Variants in ADCY7 observed in about 807,000 individuals in gnomAD.
ADCY7 encodes the protein adenylate cyclase type 7.
In ADCY7, 72 loss-of-function variants were observed where a neutral mutation model predicts 120.6. The observed-to-expected ratio is 0.60, with a 90% CI of 0.49 to 0.73. ADCY7 has a LOEUF of 0.73. Ranked by LOEUF, ADCY7 falls within the 30% of genes least tolerant of loss-of-function variation. The probability of loss-of-function intolerance (pLI) is 0.00; values close to 1 mark genes in which losing one functional copy is unlikely to be tolerated. For synonymous variants in ADCY7, 661 were observed against 628.0 expected (o/e 1.05, Z -0.78); for missense variants, 1,227 against 1,486.0 (o/e 0.83, Z 2.87).
At chr16:50,286,451 GAA>G (rs2034589020) in intron 1 of ADCY7, among the ~76,000 whole-genome samples, 3 of 148,286 alleles carry the variant, frequency 2.0e-5, no homozygotes, top group Admixed American at 6.7e-5. Flanking sequence ...AAAAAAGAGA[GAA>G]AGAAAATGCA....
chr16:50,294,623 C>G lies in ADCY7; in HGVS notation c.837-17C>G. On this transcript the variant is annotated splice_polypyrimidine_tract_variant and intron_variant, in intron 6 of 25. Coordinates refer to ENST00000673801, the MANE Select transcript of ADCY7 (RefSeq NM_001114.5). Reference sequence around the variant, plus strand: ...AGCCTGGCTCTGACACTCCCTCCCACCCTGCCCCATCCCCAGCATCCTCTA... The same window carrying G: ...AGCCTGGCTCTGACACTCCCTCCCAGCCTGCCCCATCCCCAGCATCCTCTA... 1 of 1,396,176 alleles carries G rather than the reference C, an allele frequency of 7.2e-7. No individual in the cohort carries two copies. Among genetic ancestry groups the G allele is most frequent in the Non-Finnish European group, 1.0e-6 (1 of 989,960 alleles). 86.5% of individuals were successfully genotyped at this position (1,396,176 alleles called of 1,614,324 possible).
chr16:50,274,087 T>C (rs2033726835), intron 1 of ADCY7: 1 of 152,318 alleles, frequency 6.6e-6, no homozygotes, highest in Non-Finnish European at 1.5e-5. Flanking sequence ...TGTTTTTAGA[T>C]TGCCGGAGCT....
At chr16:50,289,086 G>A (rs917060931) in intron 2 of ADCY7, 1 of 198,482 alleles carries the variant, frequency 5.0e-6, no homozygotes, top group African/African-American at 2.4e-5. Flanking sequence ...CTGGGTCAGG[G>A]ATGGCCTGTG....
upstream of ADCY7, among the ~76,000 whole-genome samples, chr16:50,265,067 C>T (rs369213764): frequency 6.6e-6 from 1 of 152,108 alleles, no homozygotes; most frequent in African/African-American, 2.4e-5. Context: ...AAACTCCTGA[C>T]ATCAGGTGAT....
Position 50,306,109 on chromosome 16 carries a change from G to A in ADCY7, c.1752+260G>A, listed in dbSNP as rs540539487. On this transcript the variant is annotated intron_variant, in intron 14 of 25. Coordinates refer to ENST00000673801, the MANE Select transcript of ADCY7 (RefSeq NM_001114.5). ...CATGGGTCTGCAAGACTTTTGCTCCGTCCAGTGCCAAAGCCTTAGCAGATC... is the reference window on the plus strand; with the variant it reads ...CATGGGTCTGCAAGACTTTTGCTCCATCCAGTGCCAAAGCCTTAGCAGATC... Among the ~76,000 whole-genome samples, 29 of 152,296 alleles carry A rather than the reference G, an allele frequency of 1.9e-4. No homozygotes were observed. The East Asian group carries it at 2.7e-3, about 14-fold the overall frequency.
chr16:50,289,960 T>C (rs954104392), intron 2 of ADCY7, among the ~76,000 whole-genome samples: 2 of 152,200 alleles, frequency 1.3e-5, no homozygotes, highest in African/African-American at 4.8e-5. Context: ...CCCACGGACC[T>C]CCCGGATGCT....
chr16:50,307,452 A>G (rs1296729436), intron 15 of ADCY7, among the ~76,000 whole-genome samples: 1 of 152,132 alleles, frequency 6.6e-6, no homozygotes, highest in Non-Finnish European at 1.5e-5. Context: ...TGCTAGGAGG[A>G]TAGACTCTGA....
rs2036668299 is a variant in ADCY7 at position 50,314,354 on chromosome 16, T to C, written c.2919T>C (p.Ser973=). 6.2e-7 allele frequency: 1 copy of C among 1,614,002 alleles called. No homozygotes were observed. Among genetic ancestry groups the C allele is most frequent in the Admixed American group, 1.7e-5 (1 of 60,000 alleles). ...TGGAGTTCAGCATCGCCCTGATGAG[T>C]AAGCTGGACGGCATCAACAGGCACT... The part of the protein sequence containing the change: ...VMVEFSIALM[S]KLDGINRHSF... Residue 973 remains serine, a synonymous_variant, in exon 24 of 26, where the codon AGT becomes AGC. Transcript: ENST00000673801.
At chr16:50,271,660 C>T (rs562597717) in intron 1 of ADCY7, among the ~76,000 whole-genome samples, 19 of 152,306 alleles carry the variant, frequency 1.2e-4, no homozygotes, top group African/African-American at 4.1e-4. Context: ...CTGGGCCAGC[C>T]CCCCTGACAT....
At chr16:50,308,540 G>C in intron 16 of ADCY7, 127 bp from the exon 17 acceptor site, 1 of 1,554,016 alleles carries the variant, frequency 6.4e-7, no homozygotes, top group South Asian at 1.2e-5. Context: ...CATCTCTCCT[G>C]CCTCGGGGAC....
Position 50,310,945 on chromosome 16 carries a change from C to T in ADCY7, c.2354+65C>T, listed in dbSNP as rs750904011. ...CCTGTTCATCTGGTGCCTGCCTGCT[C>T]GCACCAAGGGGCTTCTGTGTTCATG... is the stretch of plus-strand genomic sequence containing the variant. On this transcript the variant is annotated intron_variant, in intron 19 of 25. Transcript: ENST00000673801. 95 of 1,454,630 alleles carry T rather than the reference C, an allele frequency of 6.5e-5. No homozygotes were observed. The African/African-American group carries it at 9.0e-4, about 14-fold the overall frequency. The allele number at this position is 1,454,630 out of a possible 1,614,324, so 90.1% of individuals were successfully genotyped here.
chr16:50,263,287 G>A (rs147460966), upstream of ADCY7, among the ~76,000 whole-genome samples: 12 of 152,174 alleles, frequency 7.9e-5, no homozygotes, highest in East Asian at 2.1e-3. Context: ...CCTGCCTGCC[G>A]GGACCTCCTA....
chr16:50,292,146 C>T (rs975625751), intron 4 of ADCY7, among the ~76,000 whole-genome samples: 18 of 152,240 alleles, frequency 1.2e-4, no homozygotes, highest in Non-Finnish European at 2.4e-4. Context: ...GACCTCAGGC[C>T]TTGCCTCCCG....
intron 1 of ADCY7, among the ~76,000 whole-genome samples, chr16:50,248,264 A>C (rs925798850): frequency 4.6e-5 from 7 of 152,134 alleles, no homozygotes; most frequent in Non-Finnish European, 4.4e-5. Flanking sequence ...CCATACCCAG[A>C]AGAGCCCTGG....
intron 1 of ADCY7, among the ~76,000 whole-genome samples, chr16:50,248,933 G>T (rs1325036644): frequency 6.6e-6 from 1 of 152,196 alleles, no homozygotes; most frequent in Non-Finnish European, 1.5e-5. Context: ...CTCTTCCGCT[G>T]TGTGTCTGCT....
intron 1 of ADCY7, among the ~76,000 whole-genome samples, chr16:50,258,060 G>A (rs1381002284): frequency 6.6e-6 from 1 of 152,016 alleles, no homozygotes; most frequent in East Asian, 1.9e-4. Context: ...GTTAATATTA[G>A]CTTTTTAAAA....
In ADCY7 at chr16:50,312,871, C is replaced by T. The variant is rs112719415; in HGVS notation, c.2605-19C>T. The T allele has an allele frequency of 2.0e-4, 321 of 1,602,076 alleles. No homozygotes were observed. In the African/African-American group the frequency reaches 3.5e-3, roughly 17 times the overall value. ...CTCAAGAGGTGAAGTGGTGTAAGGT[C>T]CGGTTTCTTCCCATCCAGGACTGGT... is the stretch of plus-strand genomic sequence containing the variant. On this transcript the variant is annotated intron_variant, in intron 21 of 25. Transcript: ENST00000673801.
intron 16 of ADCY7, 33 bp from the exon 17 acceptor site, chr16:50,308,634 G>A: frequency 6.3e-7 from 1 of 1,594,006 alleles, no homozygotes; most frequent in African/African-American, 1.3e-5. Context: ...CCAGGCTGTT[G>A]GCTCTGGGTG....
At chr16:50,270,605 C>T (rs1242128205) in intron 1 of ADCY7, among the ~76,000 whole-genome samples, 2 of 152,192 alleles carry the variant, frequency 1.3e-5, no homozygotes, top group African/African-American at 2.4e-5. Flanking sequence ...GTGAGGCTCT[C>T]GTCTGCCTTG....
Sources: allele counts gnomAD v4.1 joint callset (sites outside exome capture counted in the v4.1 genomes callset), GRCh38; gene constraint gnomAD v4.1.1; transcripts MANE v1.5; gene names NCBI Gene and HGNC (gene_info 2026-07-23, HGNC 2026-07-21).